Variants in DNAH12 observed in about 807,000 individuals in gnomAD.
DNAH12 encodes the protein dynein axonemal heavy chain 12.
In DNAH12, 285 loss-of-function variants were observed where a neutral mutation model predicts 371.5. That is an observed-to-expected ratio of 0.77 (90% CI 0.70 to 0.85). The LOEUF is 0.85. Ranked by LOEUF, DNAH12 falls within the 40% of genes least tolerant of loss-of-function variation. DNAH12 has a pLI of 0.00. For synonymous variants in DNAH12, 1,200 were observed against 1,213.0 expected (o/e 0.99, Z 0.22); for missense variants, 3,611 against 3,689.4 (o/e 0.98, Z 0.55).
chr3:57,426,106 G>A (rs1290798626), intron 34 of DNAH12, among the ~76,000 whole-genome samples: 2 of 152,066 alleles, frequency 1.3e-5, no homozygotes, highest in Admixed American at 6.6e-5. Context: ...AACAAGGGAA[G>A]GATATTCAAG....
chr3:57,438,174 G>T (rs993497649), intron 29 of DNAH12, among the ~76,000 whole-genome samples: 2 of 152,040 alleles, frequency 1.3e-5, no homozygotes, highest in Admixed American at 6.5e-5. Flanking sequence ...AGCCAGGCGT[G>T]GTGGCGGGCA....
chr3:57,530,525 A>G, intron 2 of DNAH12: 1 of 715,702 alleles, frequency 1.4e-6, no homozygotes, highest in Non-Finnish European at 2.6e-6. Context: ...TCCTTTCATC[A>G]TATTTCTTCT....
chr3:57,458,062 T>C, intron 21 of DNAH12, 37 bp downstream of exon 21: 1 of 1,535,706 alleles, frequency 6.5e-7, no homozygotes, highest in Non-Finnish European at 8.8e-7. Flanking sequence ...CATAAGAAAA[T>C]GTTTTTAATT....
At chr3:57,435,975 AT>A (rs1236442448) in intron 30 of DNAH12, among the ~76,000 whole-genome samples, 1 of 152,038 alleles carries the variant, frequency 6.6e-6, no homozygotes, top group Non-Finnish European at 1.5e-5. Context: ...GGCTCAAAAC[AT>A]TTCTCAACTC....
At chr3:57,353,345 T>A (rs1575493518) in intron 59 of DNAH12, among the ~76,000 whole-genome samples, 1 of 151,532 alleles carries the variant, frequency 6.6e-6, no homozygotes, top group African/African-American at 2.4e-5. Context: ...CAGGCTGGAG[T>A]GCAGTGGCAT....
At position 57,462,670 on chromosome 3, in the gene DNAH12, C is replaced by A; in HGVS notation, c.2535+20G>T. The A allele has an allele frequency of 6.5e-7, 1 of 1,540,086 alleles. No individual in the cohort carries two copies. The highest frequency in any genetic ancestry group is 1.2e-5 in the South Asian group (1 of 82,332). On this transcript the variant is annotated intron_variant, in intron 18 of 73. Transcript: ENST00000495027. ...AACGAAGTCATCACATAAAGTATTT[C>A]AGTTGATCTTTATGTTTACCTTGCT...
At chr3:57,346,192 G>T (rs1267265252) in intron 60 of DNAH12, among the ~76,000 whole-genome samples, 1 of 152,008 alleles carries the variant, frequency 6.6e-6, no homozygotes, top group Non-Finnish European at 1.5e-5. Context: ...TTAATTAAAA[G>T]ATACAAAAAT....
At chr3:57,413,559 A>C (rs1297687580) in intron 39 of DNAH12, among the ~76,000 whole-genome samples, 187 bp downstream of exon 39, 1 of 152,088 alleles carries the variant, frequency 6.6e-6, no homozygotes, top group African/African-American at 2.4e-5. Context: ...TATACAGGAA[A>C]TCTCTGTACC....
rs898552680 is a variant in DNAH12 at position 57,368,088 on chromosome 3, G to A, written c.8932C>T (p.Pro2978Ser). 2 of 152,176 alleles carry A rather than the reference G, an allele frequency of 1.3e-5. No individual in the cohort carries two copies. The highest frequency in any genetic ancestry group is 2.9e-5 in the Non-Finnish European group (2 of 68,042). The allele number at this position is 152,176 out of a possible 1,614,324, so 9.4% of individuals were successfully genotyped here. Reference sequence around the variant, plus strand: ...CTGAGTAGTAAAGGCTCCAAAGATGGATCCAGTTCTTCACCAACATTTTCT... The same window carrying A: ...CTGAGTAGTAAAGGCTCCAAAGATGAATCCAGTTCTTCACCAACATTTTCT... ...LLENVGEELDPSLEPLLLRQT... is the reference protein window; with the variant it reads ...LLENVGEELDSSLEPLLLRQT... The change falls in exon 56 of 74, where the codon CCA becomes TCA. Residue 2978 changes from proline (P) to serine (S), a missense_variant. By Grantham distance (74) the Pro-to-Ser change is moderately conservative. This residue lies in a region of DNAH12 where 2,266 missense variants were observed against 2,236.9 expected (regional missense o/e 1.01). Transcript: ENST00000495027.
At chr3:57,472,252 G>C (rs1423106084) in intron 14 of DNAH12, among the ~76,000 whole-genome samples, 1 of 152,080 alleles carries the variant, frequency 6.6e-6, no homozygotes, top group Non-Finnish European at 1.5e-5. Context: ...GGATTTTTAT[G>C]AGAGTTAAAT....
intron 11 of DNAH12, among the ~76,000 whole-genome samples, chr3:57,495,810 T>A (rs1282889710): frequency 9.0e-5 from 13 of 143,920 alleles, no homozygotes; most frequent in African/African-American, 3.3e-4. Context: ...ATCCTTGATT[T>A]TATATATATT....
At chr3:57,501,028 G>A (rs1559726216) in intron 11 of DNAH12, among the ~76,000 whole-genome samples, 1 of 152,154 alleles carries the variant, frequency 6.6e-6, no homozygotes, top group East Asian at 1.9e-4. Flanking sequence ...CAATCCTCTT[G>A]CCTTGGCGTC....
intron 11 of DNAH12, among the ~76,000 whole-genome samples, chr3:57,494,470 G>C (rs1363966599): frequency 1.3e-5 from 2 of 152,080 alleles, no homozygotes; most frequent in Admixed American, 1.3e-4. Context: ...GCTAAGGTGG[G>C]AGGATCACTG....
intron 2 of DNAH12, among the ~76,000 whole-genome samples, chr3:57,540,952 A>G (rs1415289378): frequency 6.6e-6 from 1 of 151,858 alleles, no homozygotes; most frequent in Non-Finnish European, 1.5e-5. Context: ...AAAAAGGAAC[A>G]ATGTATAATT....
chr3:57,373,318 A>ATT lies in DNAH12; in HGVS notation c.8759+2051_8759+2052dup, dbSNP rs36162551. 7.3e-3 allele frequency among the ~76,000 whole-genome samples: 1,055 copies of ATT among 144,296 alleles called. 13 individuals carry two copies. The highest frequency in any genetic ancestry group is 0.023 in the South Asian group (105 of 4,528). The allele number at this position is 144,296 out of a possible 152,430, so 94.7% of individuals were successfully genotyped here. A position where few individuals can be genotyped will look rare whatever the true frequency, so the allele number is the denominator to read the frequency against. ...ATAGTTAATCTATATTACTCAACTG[A>ATT]TTTTTTTTTTTTTTTGAGACAGAGT... On this transcript the variant is annotated intron_variant, in intron 55 of 73. Coordinates refer to ENST00000495027, the MANE Select transcript of DNAH12 (RefSeq NM_001366028.2).
chr3:57,424,669 G>T (rs763400337), intron 35 of DNAH12, among the ~76,000 whole-genome samples: 4 of 151,420 alleles, frequency 2.6e-5, no homozygotes, highest in African/African-American at 9.7e-5. Flanking sequence ...TCAGCTACTC[G>T]GGAGGCTGAG....
At chr3:57,398,461 T>C (rs970659243) in intron 43 of DNAH12, among the ~76,000 whole-genome samples, 9 of 152,160 alleles carry the variant, frequency 5.9e-5, no homozygotes. Flanking sequence ...GAATTCCAAC[T>C]AGGATGAAGT....
intron 17 of DNAH12, among the ~76,000 whole-genome samples, chr3:57,463,280 G>GAA (rs373199007): frequency 0.12 from 15,681 of 136,290 alleles, 967 homozygotes; most frequent in South Asian, 0.16. Flanking sequence ...TCTCTATTTA[G>GAA]AAAAAAAAAA....
At chr3:57,302,049 A>T in intron 69 of DNAH12, 110 bp from the exon 70 acceptor site, 1 of 1,136,880 alleles carries the variant, frequency 8.8e-7, no homozygotes, top group Non-Finnish European at 1.2e-6. Flanking sequence ...ATTGCTTCCC[A>T]AAATGTGTCA....
Sources: allele counts gnomAD v4.1 joint callset (sites outside exome capture counted in the v4.1 genomes callset), GRCh38; gene constraint gnomAD v4.1.1; regional missense constraint gnomAD v4.1.1; transcripts MANE v1.5; gene names NCBI Gene and HGNC (gene_info 2026-07-23, HGNC 2026-07-21).